Variants in CEP112 observed in about 807,000 individuals in gnomAD.
CEP112 encodes centrosomal protein 112.
A neutral mutation model predicts 153.0 loss-of-function variants in CEP112; 127 were observed. The observed-to-expected ratio is 0.83, with a 90% CI of 0.72 to 0.96. The LOEUF (loss-of-function observed/expected upper bound fraction) is 0.96. Among genes scored for constraint, CEP112 ranks in the 40% least tolerant of loss-of-function variants. CEP112 has a pLI of 0.00. For synonymous variants in CEP112, 358 were observed against 374.4 expected (o/e 0.96, Z 0.51); for missense variants, 1,089 against 1,101.2 (o/e 0.99, Z 0.16).
intron 11 of CEP112, among the ~76,000 whole-genome samples, chr17:66,055,525 T>C (rs1364466687): frequency 6.6e-6 from 1 of 152,172 alleles, no homozygotes; most frequent in Non-Finnish European, 1.5e-5. Context: ...TAATGGGCTC[T>C]AAAGGAGTCA....
chr17:65,767,642 AAAAG>A (rs200336751), intron 21 of CEP112, among the ~76,000 whole-genome samples: 4,153 of 152,148 alleles, frequency 0.027, 107 homozygotes, highest in South Asian at 0.083. Context: ...CCAGCTTAAA[AAAAG>A]AAAGAGAAGA....
chr17:66,179,742 A>T (rs984913252), intron 2 of CEP112, among the ~76,000 whole-genome samples: 2 of 152,162 alleles, frequency 1.3e-5, no homozygotes, highest in Non-Finnish European at 2.9e-5. Context: ...ACAGCGGTGA[A>T]AGTGGTCAAC....
intron 18 of CEP112, among the ~76,000 whole-genome samples, chr17:65,932,211 C>T (rs2061150700): frequency 6.6e-6 from 1 of 152,178 alleles, no homozygotes. Flanking sequence ...TGCTCATGGT[C>T]ACTATCAGCT....
At chr17:66,067,747 T>C (rs959032444) in intron 9 of CEP112, among the ~76,000 whole-genome samples, 4 of 152,194 alleles carry the variant, frequency 2.6e-5, no homozygotes, top group African/African-American at 9.7e-5. Flanking sequence ...AAGGACAGTA[T>C]AAATAATAAT....
chr17:66,162,850 C>T (rs557095427), intron 4 of CEP112, among the ~76,000 whole-genome samples: 153 of 152,226 alleles, frequency 1.0e-3, no homozygotes, highest in African/African-American at 3.6e-3. Flanking sequence ...TTTTGTAAAA[C>T]TTCATCAAGC....
At chr17:65,934,321 G>A (rs775196222) in intron 18 of CEP112, among the ~76,000 whole-genome samples, 4 of 152,194 alleles carry the variant, frequency 2.6e-5, no homozygotes, top group Non-Finnish European at 5.9e-5. Flanking sequence ...GAAGTAGCCT[G>A]TTATAAGTAG....
chr17:65,951,265 T>A (rs1030528513), intron 18 of CEP112, among the ~76,000 whole-genome samples: 3 of 152,182 alleles, frequency 2.0e-5, no homozygotes, highest in Non-Finnish European at 4.4e-5. Context: ...TGAGAAGTAT[T>A]CCTTCTTCCT....
chr17:65,762,913 C>T (rs540230801), intron 21 of CEP112, among the ~76,000 whole-genome samples: 8 of 152,118 alleles, frequency 5.3e-5, no homozygotes, highest in African/African-American at 1.9e-4. Context: ...CTCTGATGCT[C>T]TATGTAGATC....
chr17:65,908,609 G>A (rs973549556), intron 19 of CEP112, among the ~76,000 whole-genome samples: 2 of 151,846 alleles, frequency 1.3e-5, no homozygotes, highest in Non-Finnish European at 2.9e-5. Context: ...CAGAAGAATC[G>A]CTTGAACCCG....
intron 21 of CEP112, among the ~76,000 whole-genome samples, chr17:65,770,596 A>C (rs1421033): frequency 0.48 from 72,931 of 151,954 alleles, 19,193 homozygotes; most frequent in East Asian, 0.78. Flanking sequence ...ATTACTTTTT[A>C]TTCTCACGTT....
In CEP112 at chr17:66,057,324, G is replaced by A. The variant is rs541280930; in HGVS notation, c.1075-3445C>T. On this transcript the variant is annotated intron_variant, in intron 11 of 26. Transcript: ENST00000535342. ...TTAGATGTGTGAGCTGAAGCAAAAA[G>A]AAGAGTCTTTAAGTAGCTGAGTTGA... Among the ~76,000 whole-genome samples, 6 of 152,318 alleles carry A rather than the reference G, an allele frequency of 3.9e-5. No homozygotes were observed. In the East Asian group the frequency reaches 9.7e-4, roughly 25 times the overall value.
chr17:65,672,684 G>C (rs761330377), intron 24 of CEP112, among the ~76,000 whole-genome samples: 1 of 152,166 alleles, frequency 6.6e-6, no homozygotes, highest in Admixed American at 6.5e-5. Flanking sequence ...GGAAGTGGCA[G>C]AGCTGAGATC....
intron 8 of CEP112, among the ~76,000 whole-genome samples, chr17:66,089,974 T>C (rs1479262763): frequency 6.6e-6 from 1 of 152,206 alleles, no homozygotes; most frequent in East Asian, 1.9e-4. Flanking sequence ...CCAATAAGAC[T>C]AGCAGCGGAT....
intron 16 of CEP112, among the ~76,000 whole-genome samples, chr17:66,009,558 A>G (rs1288126480): frequency 6.6e-6 from 1 of 151,982 alleles, no homozygotes; most frequent in Non-Finnish European, 1.5e-5. Context: ...CCAGAATGGT[A>G]TTTTCCAGGT....
rs566283529 is a variant in CEP112 at position 66,134,702 on chromosome 17, C to T, written c.471-1939G>A. On this transcript the variant is annotated intron_variant, in intron 4 of 26. Coordinates refer to ENST00000535342, the MANE Select transcript of CEP112 (RefSeq NM_001199165.4). ...GGCATGGTGGTACATGCCTGTGGTC[C>T]CAGCTACTTGGGAGGCTGAGGTAGG... is the stretch of plus-strand genomic sequence containing the variant. 9.0e-4 allele frequency among the ~76,000 whole-genome samples: 137 copies of T among 152,162 alleles called. 1 individual carries two copies. Among genetic ancestry groups the T allele is most frequent in the African/African-American group, 3.2e-3 (131 of 41,504 alleles).
chr17:65,976,486 G>A (rs1599231198), intron 17 of CEP112, among the ~76,000 whole-genome samples: 1 of 151,936 alleles, frequency 6.6e-6, no homozygotes, highest in Non-Finnish European at 1.5e-5. Flanking sequence ...TCCTAATAAA[G>A]CAGCAATGTC....
intron 24 of CEP112, among the ~76,000 whole-genome samples, chr17:65,679,326 G>A (rs2047401189): frequency 6.6e-6 from 1 of 151,592 alleles, no homozygotes; most frequent in African/African-American, 2.4e-5. Context: ...AAAAGAATTA[G>A]TCTGAATTTT....
At chr17:65,659,763 C>G (rs564444720) in intron 24 of CEP112, among the ~76,000 whole-genome samples, 2 of 152,142 alleles carry the variant, frequency 1.3e-5, no homozygotes, top group African/African-American at 4.8e-5. Context: ...ATACTTTTTA[C>G]ACGAGAAGTA....
At chr17:65,743,287 G>C in intron 22 of CEP112, 70 bp from the exon 23 acceptor site, 1 of 1,218,848 alleles carries the variant, frequency 8.2e-7, no homozygotes, top group Non-Finnish European at 1.1e-6. Context: ...ATGTATTGAT[G>C]CTTAACAAAA....
Sources: allele counts gnomAD v4.1 joint callset (sites outside exome capture counted in the v4.1 genomes callset), GRCh38; gene constraint gnomAD v4.1.1; transcripts MANE v1.5; gene names NCBI Gene and HGNC (gene_info 2026-07-23, HGNC 2026-07-21).